MYO16: variants seen among roughly 807,000 people sequenced by gnomAD.
MYO16 encodes the protein unconventional myosin-XVI.
Under a neutral mutation model 205.3 loss-of-function variants are expected in MYO16, and 94 were observed. That is an observed-to-expected ratio of 0.46 (90% CI 0.39 to 0.54). MYO16 has a LOEUF of 0.54. Among genes scored for constraint, MYO16 ranks in the 20% least tolerant of loss-of-function variants. The pLI, the probability that MYO16 is intolerant of heterozygous loss-of-function variation, is 0.00. For missense variants in MYO16, 2,315 were observed against 2,387.5 expected (o/e 0.97, Z 0.63); for synonymous variants, 988 against 954.0 (o/e 1.04, Z -0.66).
At chr13:108,786,734 C>G (rs570281256) in intron 5 of MYO16, among the ~76,000 whole-genome samples, 1 of 152,308 alleles carries the variant, frequency 6.6e-6, no homozygotes, top group African/African-American at 2.4e-5. Context: ...GGTGTGGTTA[C>G]CACGACAGGG....
chr13:109,041,342 A>G (rs368468975), intron 23 of MYO16, among the ~76,000 whole-genome samples: 2 of 152,232 alleles, frequency 1.3e-5, no homozygotes, highest in Non-Finnish European at 2.9e-5. Context: ...AATCACAGTA[A>G]AATTTTTATA....
At chr13:108,534,071 C>T in the MYO16 span, among the ~76,000 whole-genome samples, 20 of 152,236 alleles carry the variant, frequency 1.3e-4, no homozygotes, top group African/African-American at 2.9e-4. Context: ...AGAATTGAAA[C>T]GGTGCTTGTT....
the MYO16 span, among the ~76,000 whole-genome samples, chr13:108,528,546 TCTCTC>T: frequency 1.6e-3 from 164 of 104,450 alleles, 1 homozygote; most frequent in Middle Eastern, 6.0e-3. Flanking sequence ...TTTTATTTTG[TCTCTC>T]CTCTCCTCTC....
intron 10 of MYO16, among the ~76,000 whole-genome samples, chr13:108,845,284 A>C (rs908712535): frequency 6.6e-6 from 1 of 152,182 alleles, no homozygotes; most frequent in African/African-American, 2.4e-5. Context: ...AACACTTTTA[A>C]ATTTTAGCAG....
chr13:108,507,304 CG>C, the MYO16 span, among the ~76,000 whole-genome samples: 1 of 152,018 alleles, frequency 6.6e-6, no homozygotes, highest in African/African-American at 2.4e-5. Flanking sequence ...TCTCTTAAGG[CG>C]GTCTGGTGGT....
chr13:108,714,630 A>AT (rs1315752521), intron 3 of MYO16, among the ~76,000 whole-genome samples: 13 of 137,752 alleles, frequency 9.4e-5, no homozygotes, highest in East Asian at 8.0e-4. Flanking sequence ...ATAGAGAGAG[A>AT]GAGATTAGAT....
chr13:108,664,778 A>G (rs1158042414), intron 1 of MYO16, among the ~76,000 whole-genome samples: 3 of 152,170 alleles, frequency 2.0e-5, no homozygotes, highest in Admixed American at 6.5e-5. Context: ...ATTTTAACCT[A>G]GTGGTAAATA....
intron 33 of MYO16, among the ~76,000 whole-genome samples, chr13:109,166,352 T>A (rs1878661994): frequency 6.6e-6 from 1 of 152,204 alleles, no homozygotes; most frequent in Non-Finnish European, 1.5e-5. Flanking sequence ...TAGATATAGT[T>A]GTTTAAAAAC....
At chr13:109,001,453 A>C (rs1885209247) in intron 21 of MYO16, among the ~76,000 whole-genome samples, 1 of 152,172 alleles carries the variant, frequency 6.6e-6, no homozygotes, top group African/African-American at 2.4e-5. Flanking sequence ...ATCCTCTATC[A>C]AGGTAAGAGT....
At chr13:109,061,012 G>T (rs1197690521) in intron 27 of MYO16, among the ~76,000 whole-genome samples, 1 of 152,142 alleles carries the variant, frequency 6.6e-6, no homozygotes, top group African/African-American at 2.4e-5. Flanking sequence ...CAAATGTGCT[G>T]TTTCTCCTCA....
At chr13:108,954,544 C>A (rs1458436533) in intron 16 of MYO16, among the ~76,000 whole-genome samples, 1 of 152,072 alleles carries the variant, frequency 6.6e-6, no homozygotes, top group Non-Finnish European at 1.5e-5. Flanking sequence ...AGTTCAAGAC[C>A]AGCCTGGGCA....
the MYO16 span, among the ~76,000 whole-genome samples, chr13:108,561,760 G>GA: frequency 1.3e-5 from 2 of 152,210 alleles, no homozygotes; most frequent in East Asian, 1.9e-4. Flanking sequence ...ATTCTTAAGG[G>GA]AAAAAATGCA....
chr13:108,523,065 C>T, the MYO16 span, among the ~76,000 whole-genome samples: 1 of 152,120 alleles, frequency 6.6e-6, no homozygotes, highest in Non-Finnish European at 1.5e-5. Flanking sequence ...TGGAAATAGA[C>T]ATTACAGGGA....
chr13:108,874,696 C>CATTATT lies in MYO16; in HGVS notation c.1426-8327_1426-8322dup, dbSNP rs34831399. Among the ~76,000 whole-genome samples the CATTATT allele has an allele frequency of 3.6e-3, 386 of 106,814 alleles. 5 individuals carry two copies. Among genetic ancestry groups the CATTATT allele is most frequent in the East Asian group, 0.03 (136 of 4,576 alleles). 70.1% of individuals were successfully genotyped at this position (106,814 alleles called of 152,430 possible). On this transcript the variant is annotated intron_variant, in intron 12 of 34. Transcript: ENST00000457511. ...CAGAGGCAGACAGTTTCATCATCAT[C>CATTATT]ATTATTATTATTATTATTATTATTA...
the MYO16 span, among the ~76,000 whole-genome samples, chr13:108,529,784 A>T: frequency 2.0e-5 from 3 of 152,200 alleles, no homozygotes; most frequent in Non-Finnish European, 4.4e-5. Context: ...CCTTGGGAAT[A>T]CTGAACACCT....
chr13:109,163,931 A>C (rs1197219871), intron 32 of MYO16: 1 of 152,208 alleles, frequency 6.6e-6, no homozygotes, highest in Non-Finnish European at 1.5e-5. Context: ...TATTAGTCTA[A>C]ATCTTTAGAA....
At chr13:109,197,222 G>GCAT (rs748136506) in intron 34 of MYO16, among the ~76,000 whole-genome samples, 3 of 152,164 alleles carry the variant, frequency 2.0e-5, no homozygotes, top group Non-Finnish European at 4.4e-5. Context: ...GAGCAGCCGA[G>GCAT]CATTTTTAAT....
At chr13:108,631,679 G>A (rs543688330) in intron 1 of MYO16, among the ~76,000 whole-genome samples, 5 of 152,162 alleles carry the variant, frequency 3.3e-5, no homozygotes, top group Admixed American at 6.5e-5. Context: ...GAAATGGTGC[G>A]ATGTGTTAAG....
intron 4 of MYO16, among the ~76,000 whole-genome samples, chr13:108,736,109 A>G (rs195257): frequency 2.0e-5 from 3 of 152,066 alleles, no homozygotes; most frequent in Non-Finnish European, 4.4e-5. Context: ...GTTCACTCTG[A>G]TGGTAGTTTC....
Sources: gnomAD v4.1 joint callset for allele counts (sites outside exome capture counted in the v4.1 genomes callset) on GRCh38, gnomAD v4.1.1 for gene constraint, MANE v1.5 for transcripts, NCBI Gene and HGNC (gene_info 2026-07-23, HGNC 2026-07-21) for gene names.